ERC2: variants seen among roughly 807,000 people sequenced by gnomAD.
The protein encoded by ERC2 is ELKS/RAB6-interacting/CAST family member 2, also known as ERC protein 2.
ERC2 carries 42 observed loss-of-function variants against 114.8 expected under a neutral mutation model. The observed-to-expected ratio is 0.37, with a 90% CI of 0.29 to 0.47. ERC2 has a LOEUF of 0.47. Among genes scored for constraint, ERC2 ranks in the 20% least tolerant of loss-of-function variants. ERC2 has a pLI of 0.99. For synonymous variants in ERC2, 454 were observed against 425.5 expected (o/e 1.07, Z -0.82); for missense variants, 939 against 1,150.7 (o/e 0.82, Z 2.66).
chr3:56,370,930 T>C (rs1038788098), intron 2 of ERC2, among the ~76,000 whole-genome samples: 2 of 152,192 alleles, frequency 1.3e-5, no homozygotes, highest in Non-Finnish European at 2.9e-5. Context: ...ACAGAGACTA[T>C]TAATTGTTCT....
intron 2 of ERC2, among the ~76,000 whole-genome samples, chr3:56,424,380 G>T (rs1298731677): frequency 6.6e-6 from 1 of 152,122 alleles, no homozygotes; most frequent in Non-Finnish European, 1.5e-5. Flanking sequence ...CCAAGGTCCA[G>T]CACACAAGAA....
At chr3:56,207,979 C>CAA (rs2150114620) in intron 3 of ERC2, among the ~76,000 whole-genome samples, 1 of 152,268 alleles carries the variant, frequency 6.6e-6, no homozygotes, top group South Asian at 2.1e-4. Context: ...ATTATGTTTT[C>CAA]CTGTCTTGTA....
rs77808193 is a variant in ERC2 at position 56,431,124 on chromosome 3, G to C, written c.657+3227C>G. Among the ~76,000 whole-genome samples the C allele has an allele frequency of 2.5e-3, 382 of 152,244 alleles. 1 individual carries two copies. The highest frequency in any genetic ancestry group is 9.0e-3 in the African/African-American group (372 of 41,540). On this transcript the variant is annotated intron_variant, in intron 2 of 17. Coordinates refer to ENST00000288221, the MANE Select transcript of ERC2 (RefSeq NM_015576.3). ...CACTAAATAAGATAATGTACACAAA[G>C]CACTAAGCACAATGCCTAGCACACA...
chr3:55,726,577 C>T (rs1284477884), intron 15 of ERC2, among the ~76,000 whole-genome samples: 1 of 152,200 alleles, frequency 6.6e-6, no homozygotes, highest in East Asian at 1.9e-4. Context: ...GCAGCCTCTG[C>T]CTTCTCCCAT....
chr3:56,286,270 G>T (rs920272076), intron 3 of ERC2, among the ~76,000 whole-genome samples: 1 of 151,932 alleles, frequency 6.6e-6, no homozygotes, highest in African/African-American at 2.4e-5. Context: ...AAAATTAGCC[G>T]GAATGTGGTG....
At chr3:55,860,957 T>A (rs1473324853) in intron 14 of ERC2, among the ~76,000 whole-genome samples, 2 of 152,176 alleles carry the variant, frequency 1.3e-5, no homozygotes, top group Admixed American at 6.5e-5. Context: ...TATTTCAGTC[T>A]GCAACGGGGG....
chr3:56,341,715 T>A (rs2058097134), intron 2 of ERC2, among the ~76,000 whole-genome samples: 1 of 152,060 alleles, frequency 6.6e-6, no homozygotes, highest in Non-Finnish European at 1.5e-5. Flanking sequence ...AATTCCTGAG[T>A]CATTCATTCA....
chr3:55,812,709 T>C (rs1325852016), intron 14 of ERC2, among the ~76,000 whole-genome samples: 1 of 152,208 alleles, frequency 6.6e-6, no homozygotes, highest in Non-Finnish European at 1.5e-5. Context: ...TTGGTAATAA[T>C]AAACACAAAA....
intron 13 of ERC2, among the ~76,000 whole-genome samples, chr3:55,889,056 G>T (rs1349428791): frequency 6.6e-6 from 1 of 152,202 alleles, no homozygotes; most frequent in East Asian, 1.9e-4. Flanking sequence ...AGAATTGGGG[G>T]TGAGTGGCTT....
intron 14 of ERC2, among the ~76,000 whole-genome samples, chr3:55,802,170 T>C (rs1427750169): frequency 6.6e-6 from 1 of 152,262 alleles, no homozygotes; most frequent in African/African-American, 2.4e-5. Context: ...AAGGTAAATG[T>C]ACTCAATTAC....
intron 2 of ERC2, among the ~76,000 whole-genome samples, chr3:56,364,035 T>C (rs1374839058): frequency 6.6e-6 from 1 of 152,244 alleles, no homozygotes; most frequent in Non-Finnish European, 1.5e-5. Context: ...CTCCGTGGCC[T>C]AGCCTCTGCC....
At chr3:56,284,303 C>A (rs1196516378) in intron 3 of ERC2, among the ~76,000 whole-genome samples, 1 of 152,170 alleles carries the variant, frequency 6.6e-6, no homozygotes, top group Non-Finnish European at 1.5e-5. Flanking sequence ...AGATTTTTAA[C>A]GTGTTATGCA....
intron 3 of ERC2, among the ~76,000 whole-genome samples, chr3:56,283,471 A>T (rs1414634610): frequency 6.6e-6 from 1 of 152,162 alleles, no homozygotes; most frequent in Non-Finnish European, 1.5e-5. Context: ...TCTAAAAAAT[A>T]AAAAAATAAA....
intron 13 of ERC2, among the ~76,000 whole-genome samples, chr3:55,922,387 G>A (rs1456765997): frequency 6.6e-6 from 1 of 151,938 alleles, no homozygotes; most frequent in Non-Finnish European, 1.5e-5. Context: ...TGAGGCTTTG[G>A]AGCCTTGCAA....
At chr3:56,276,934 A>G (rs753465742) in intron 3 of ERC2, among the ~76,000 whole-genome samples, 4 of 152,208 alleles carry the variant, frequency 2.6e-5, no homozygotes, top group Non-Finnish European at 4.4e-5. Flanking sequence ...CATGTGGCTT[A>G]TGGGTTGGAC....
chr3:55,708,242 C>T (rs1272584530), intron 15 of ERC2, among the ~76,000 whole-genome samples: 4 of 152,192 alleles, frequency 2.6e-5, no homozygotes, highest in African/African-American at 7.2e-5. Flanking sequence ...TCCACACTAG[C>T]GTTTAATGCT....
At chr3:55,646,174 G>T (rs1197143113) in intron 17 of ERC2, among the ~76,000 whole-genome samples, 1 of 152,170 alleles carries the variant, frequency 6.6e-6, no homozygotes, top group Admixed American at 6.5e-5. Flanking sequence ...TGGATAACAA[G>T]GTGTGCCTGT....
At chr3:55,884,419 T>C (rs2149311871) in intron 14 of ERC2, among the ~76,000 whole-genome samples, 1 of 152,336 alleles carries the variant, frequency 6.6e-6, no homozygotes, top group African/African-American at 2.4e-5. Context: ...GTTAGGATCA[T>C]GAATAATTTT....
At chr3:56,143,199 T>A (rs1405666683) in intron 5 of ERC2, among the ~76,000 whole-genome samples, 2 of 152,210 alleles carry the variant, frequency 1.3e-5, no homozygotes, top group Non-Finnish European at 2.9e-5. Flanking sequence ...GTGGTGGTGG[T>A]AATAGGGTTC....
Sources: allele counts gnomAD v4.1 joint callset (sites outside exome capture counted in the v4.1 genomes callset), GRCh38; gene constraint gnomAD v4.1.1; transcripts MANE v1.5; gene names NCBI Gene and HGNC (gene_info 2026-07-23, HGNC 2026-07-21).